Variants in FGGY observed in about 807,000 individuals in gnomAD.
The protein encoded by FGGY is FGGY carbohydrate kinase domain containing, also known as FGGY carbohydrate kinase domain-containing protein.
FGGY carries 72 observed loss-of-function variants against 71.3 expected under a neutral mutation model. The observed-to-expected ratio is 1.01, with a 90% CI of 0.84 to 1.23. The LOEUF (loss-of-function observed/expected upper bound fraction) is 1.23, where lower values mean the gene tolerates loss of function less well. Ranked by LOEUF, FGGY falls within the 50% of genes most tolerant of loss-of-function variation. The pLI is 0.00. For missense variants in FGGY, 668 were observed against 682.3 expected (o/e 0.98, Z 0.23); for synonymous variants, 251 against 250.3 (o/e 1.00, Z -0.02).
At chr1:59,369,014 A>G (rs1225334780) in intron 4 of FGGY, among the ~76,000 whole-genome samples, 1 of 152,138 alleles carries the variant, frequency 6.6e-6, no homozygotes, top group Non-Finnish European at 1.5e-5. Flanking sequence ...CTGCATTTCC[A>G]TCTGAGGTAC....
intron 12 of FGGY, among the ~76,000 whole-genome samples, chr1:59,665,441 G>A (rs1285893609): frequency 6.6e-6 from 1 of 152,150 alleles, no homozygotes; most frequent in African/African-American, 2.4e-5. Context: ...TAGAACTGCT[G>A]TGCCTTTTGC....
At chr1:59,532,339 A>G (rs1378526722) in intron 7 of FGGY, among the ~76,000 whole-genome samples, 3 of 152,216 alleles carry the variant, frequency 2.0e-5, no homozygotes, top group Non-Finnish European at 4.4e-5. Context: ...AATACATGAA[A>G]TACACAAACA....
At chr1:59,742,137 A>G (rs2098155442) in intron 14 of FGGY, among the ~76,000 whole-genome samples, 2 of 152,128 alleles carry the variant, frequency 1.3e-5, no homozygotes, top group South Asian at 4.1e-4. Context: ...TCTGCCTATC[A>G]GCTCCCCTAG....
intron 14 of FGGY, among the ~76,000 whole-genome samples, chr1:59,707,690 C>T (rs958546012): frequency 2.0e-5 from 3 of 152,172 alleles, no homozygotes; most frequent in African/African-American, 7.2e-5. Flanking sequence ...ATGGCTGAGT[C>T]TGTTGCTGTT....
At chr1:59,533,713 A>G (rs1036790455) in intron 7 of FGGY, among the ~76,000 whole-genome samples, 21 of 151,976 alleles carry the variant, frequency 1.4e-4, no homozygotes, top group Admixed American at 2.6e-4. Flanking sequence ...AGCCTAACTG[A>G]GAGGCACCCC....
chr1:59,739,315 A>T lies in FGGY; in HGVS notation c.1513-18616A>T, dbSNP rs1051972307. Among the ~76,000 whole-genome samples the T allele has an allele frequency of 7.2e-5, 11 of 152,324 alleles. No homozygotes were observed. In the South Asian group the frequency reaches 1.4e-3, roughly 20 times the overall value. Reference sequence around the variant, plus strand: ...ATTATTTTTTAATTGCTTGGTAGAGATAAGTTTGGCTTCTGCAAATAAACT... The same window carrying T: ...ATTATTTTTTAATTGCTTGGTAGAGTTAAGTTTGGCTTCTGCAAATAAACT... On this transcript the variant is annotated intron_variant, in intron 14 of 15. Transcript: ENST00000303721.
chr1:59,714,494 A>G (rs1233861261), intron 14 of FGGY, among the ~76,000 whole-genome samples: 1 of 152,168 alleles, frequency 6.6e-6, no homozygotes, highest in African/African-American at 2.4e-5. Context: ...GGTCCACTGA[A>G]CTCTGGGAAT....
At chr1:59,382,908 C>T (rs151097186) in intron 5 of FGGY, among the ~76,000 whole-genome samples, 4 of 152,202 alleles carry the variant, frequency 2.6e-5, no homozygotes, top group African/African-American at 9.6e-5. Flanking sequence ...TCCTGGTTTC[C>T]GGTGCCATAT....
chr1:59,538,843 T>G (rs868716455), intron 7 of FGGY, among the ~76,000 whole-genome samples: 1,952 of 91,038 alleles, frequency 0.021, 62 homozygotes, highest in African/African-American at 0.08. Flanking sequence ...TGGGGACTGT[T>G]GTGGGGTGGG....
intron 4 of FGGY, among the ~76,000 whole-genome samples, chr1:59,357,557 G>A (rs1467102243): frequency 6.6e-6 from 1 of 152,074 alleles, no homozygotes; most frequent in East Asian, 1.9e-4. Flanking sequence ...AAGTCCCTTG[G>A]ATCTTAATGA....
chr1:59,581,749 C>T (rs2096198531), intron 8 of FGGY, among the ~76,000 whole-genome samples: 1 of 149,576 alleles, frequency 6.7e-6, no homozygotes, highest in Non-Finnish European at 1.5e-5. Flanking sequence ...CATTGTTATC[C>T]CTTAGTTATA....
At chr1:59,373,330 C>T (rs1269922150) in intron 4 of FGGY, among the ~76,000 whole-genome samples, 19 of 150,472 alleles carry the variant, frequency 1.3e-4, no homozygotes, top group South Asian at 4.2e-4. Flanking sequence ...AATAAAATAC[C>T]TAGGAATCCA....
intron 14 of FGGY, chr1:59,754,779 C>T (rs1028776398): frequency 6.6e-6 from 1 of 152,320 alleles, no homozygotes; most frequent in African/African-American, 2.4e-5. Flanking sequence ...TGGACAGGAT[C>T]TGAGAACCCC....
intron 13 of FGGY, among the ~76,000 whole-genome samples, chr1:59,669,419 C>T (rs2153973581): frequency 6.6e-6 from 1 of 152,112 alleles, no homozygotes; most frequent in East Asian, 1.9e-4. Context: ...AAAAAGAGCC[C>T]AGATTGCCTT....
intron 5 of FGGY, among the ~76,000 whole-genome samples, chr1:59,385,569 G>T (rs1381294922): frequency 3.9e-5 from 6 of 152,078 alleles, no homozygotes; most frequent in African/African-American, 1.2e-4. Flanking sequence ...CAATTTTGAT[G>T]ACATGAGAAA....
chr1:59,684,377 C>T (rs1466834349), intron 14 of FGGY, among the ~76,000 whole-genome samples: 9 of 152,140 alleles, frequency 5.9e-5, no homozygotes, highest in African/African-American at 2.2e-4. Context: ...TGAGGAGTGA[C>T]TTCCACTGTC....
intron 11 of FGGY, among the ~76,000 whole-genome samples, chr1:59,648,909 C>A (rs1572618931): frequency 6.6e-6 from 1 of 152,062 alleles, no homozygotes; most frequent in East Asian, 1.9e-4. Flanking sequence ...TTTAATCCAT[C>A]TTGAATTGAT....
At chr1:59,556,943 C>T (rs899323874) in intron 8 of FGGY, among the ~76,000 whole-genome samples, 1 of 152,140 alleles carries the variant, frequency 6.6e-6, no homozygotes, top group African/African-American at 2.4e-5. Flanking sequence ...AATAAAGTCC[C>T]CACCCCCATC....
intron 5 of FGGY, among the ~76,000 whole-genome samples, chr1:59,411,871 G>T (rs1312636996): frequency 6.6e-6 from 1 of 152,034 alleles, no homozygotes; most frequent in East Asian, 1.9e-4. Context: ...ATACCACTTT[G>T]TGCTTTACTT....
Sources: gnomAD v4.1 joint callset for allele counts (sites outside exome capture counted in the v4.1 genomes callset) on GRCh38, gnomAD v4.1.1 for gene constraint, MANE v1.5 for transcripts, NCBI Gene and HGNC (gene_info 2026-07-23, HGNC 2026-07-21) for gene names.